Variants in YBX1 observed in about 807,000 individuals in gnomAD.
YBX1 encodes Y-box-binding protein 1.
YBX1 carries 3 observed loss-of-function variants against 41.4 expected under a neutral mutation model. That is an observed-to-expected ratio of 0.07 (90% CI 0.03 to 0.19). The LOEUF (loss-of-function observed/expected upper bound fraction) is 0.19. Ranked by LOEUF, YBX1 falls within the 10% of genes least tolerant of loss-of-function variation. The probability of loss-of-function intolerance (pLI) is 1.00; values close to 1 mark genes in which losing one functional copy is unlikely to be tolerated. For missense variants in YBX1, 274 were observed against 462.8 expected (o/e 0.59, Z 3.74); for synonymous variants, 133 against 165.8 (o/e 0.80, Z 1.52).
At chr1:42,683,345 G>T (rs1266024442) in intron 1 of YBX1, 58 bp from the exon 2 acceptor site, 1 of 1,607,184 alleles carries the variant, frequency 6.2e-7, no homozygotes, top group African/African-American at 1.3e-5. Flanking sequence ...CAAGCCGGGC[G>T]GATTTGGAAA....
chr1:42,701,173 T>C (rs978399393), intron 7 of YBX1, 127 bp downstream of exon 7: 1 of 691,436 alleles, frequency 1.4e-6, no homozygotes. Context: ...TATAATGTGT[T>C]CTGCCCTATT....
intron 2 of YBX1, among the ~76,000 whole-genome samples, chr1:42,687,609 T>C (rs1388318712): frequency 1.3e-5 from 2 of 152,044 alleles, no homozygotes; most frequent in African/African-American, 4.8e-5. Context: ...TTTTCTTTTT[T>C]AAAGGTGGCG....
chr1:42,700,947 A>G lies in YBX1; in HGVS notation c.907A>G (p.Thr303Ala). ...ENPKPQDGKE[T>A]KAADPPAENS... is the part of the protein sequence containing the mutation. ...CCCTAAACCACAAGATGGCAAAGAG[A>G]CAAAAGCAGCCGATCCACCAGCTGA... The change falls in exon 7 of 8, where the codon ACA becomes GCA. Residue 303 changes from threonine (T) to alanine (A), a missense_variant. By Grantham distance (58) the Thr-to-Ala change is moderately conservative. Transcript: ENST00000321358. 6.2e-7 allele frequency: 1 copy of G among 1,614,160 alleles called. No individual in the cohort carries two copies. The highest frequency in any genetic ancestry group is 8.5e-7 in the Non-Finnish European group (1 of 1,180,030).
At chr1:42,687,483 T>C (rs550023398) in intron 2 of YBX1, among the ~76,000 whole-genome samples, 2 of 152,284 alleles carry the variant, frequency 1.3e-5, no homozygotes, top group African/African-American at 4.8e-5. Flanking sequence ...GGTTTCTCCA[T>C]GTTGGCCAGG....
At chr1:42,690,295 A>G (rs969392754) in intron 2 of YBX1, among the ~76,000 whole-genome samples, 1 of 151,144 alleles carries the variant, frequency 6.6e-6, no homozygotes, top group Non-Finnish European at 1.5e-5. Context: ...TGCAAATATC[A>G]CATATATTTC....
intron 6 of YBX1, among the ~76,000 whole-genome samples, chr1:42,700,113 T>C (rs1650557846): frequency 6.6e-6 from 1 of 152,158 alleles, no homozygotes; most frequent in Admixed American, 6.5e-5. Flanking sequence ...AACAATTTTG[T>C]TGAAGATTCA....
chr1:42,690,713 T>C (rs1371043767), intron 2 of YBX1, among the ~76,000 whole-genome samples: 1 of 152,256 alleles, frequency 6.6e-6, no homozygotes, highest in Admixed American at 6.5e-5. Context: ...TCTTTAGTCA[T>C]AGTTTCTCTT....
chr1:42,699,657 C>T (rs1294193343), intron 6 of YBX1, among the ~76,000 whole-genome samples: 2 of 151,376 alleles, frequency 1.3e-5, no homozygotes, highest in African/African-American at 2.4e-5. Flanking sequence ...AATGGAGTTG[C>T]ACTGTGTTAC....
At chr1:42,700,329 A>G (rs1650563327) in intron 6 of YBX1, among the ~76,000 whole-genome samples, 1 of 152,112 alleles carries the variant, frequency 6.6e-6, no homozygotes, top group Admixed American at 6.5e-5. Flanking sequence ...CTTGGTGATT[A>G]AAAGACTCAA....
chr1:42,694,370 A>G (rs1650409809), intron 3 of YBX1, among the ~76,000 whole-genome samples: 1 of 151,750 alleles, frequency 6.6e-6, no homozygotes, highest in Non-Finnish European at 1.5e-5. Context: ...TTATCCTCAC[A>G]GATACGAAAT....
chr1:42,696,425 T>C lies in YBX1; in HGVS notation c.354+137T>C. ...AACACAGGTGCATCAAGCCTAATGT[T>C]CTGGCTGCAGTTAGAGGGCAATCTC... On this transcript the variant is annotated intron_variant, in intron 4 of 7. Transcript: ENST00000321358. This position sits in a 1 kb window ranked among gnomAD's most constrained non-coding sequence, Gnocchi z 5.7. 1 of 1,015,290 alleles carries C rather than the reference T, an allele frequency of 9.8e-7. No homozygotes were observed. The highest frequency in any genetic ancestry group is 2.6e-5 in the Admixed American group (1 of 38,374). 62.9% of individuals were successfully genotyped at this position (1,015,290 alleles called of 1,614,324 possible). A position where few individuals can be genotyped will look rare whatever the true frequency, so the allele number is the denominator to read the frequency against.
At chr1:42,683,103 C>T (rs1650090613) in intron 1 of YBX1, 1 of 565,330 alleles carries the variant, frequency 1.8e-6, no homozygotes, top group Non-Finnish European at 3.3e-6. Flanking sequence ...GGGCGCGGCG[C>T]ACCGCCTACG....
chr1:42,698,803 G>C (rs142308657), intron 6 of YBX1, among the ~76,000 whole-genome samples: 1 of 152,224 alleles, frequency 6.6e-6, no homozygotes, highest in Non-Finnish European at 1.5e-5. Flanking sequence ...AGTCCTGCCA[G>C]ATAGTTGCAG....
Position 42,696,371 on chromosome 1 carries a change from G to A in YBX1, c.354+83G>A, listed in dbSNP as rs1246627567. On this transcript the variant is annotated intron_variant, in intron 4 of 7. Transcript: ENST00000321358. This position sits in a 1 kb window ranked among gnomAD's most constrained non-coding sequence, Gnocchi z 5.7. ...CATCCATTAGGATGGTGGCTCTAATGTGGATGGATGTGTTCAGGTGACCTC... is the reference window on the plus strand; with the variant it reads ...CATCCATTAGGATGGTGGCTCTAATATGGATGGATGTGTTCAGGTGACCTC... The A allele has an allele frequency of 1.4e-6, 2 of 1,393,456 alleles. No individual in the cohort carries two copies. Among genetic ancestry groups the A allele is most frequent in the Non-Finnish European group, 2.0e-6 (2 of 1,001,510 alleles). 86.3% of individuals were successfully genotyped at this position (1,393,456 alleles called of 1,614,324 possible).
Position 42,696,736 on chromosome 1 carries a change from G to A in YBX1, c.449G>A (p.Arg150His), listed in dbSNP as rs1260214003. Residue 150 changes from arginine to histidine, a missense_variant, in exon 5 of 8, where the codon CGT becomes CAT. Arg to His is a conservative substitution (Grantham distance 29, BLOSUM62 0). Coordinates refer to ENST00000321358, the MANE Select transcript of YBX1 (RefSeq NM_004559.5). This position sits in a 1 kb window ranked among gnomAD's most constrained non-coding sequence, Gnocchi z 5.7. ...CGTAACCATTATAGACGCTATCCAC[G>A]TCGTAGGGGTCCTCCACGCAATTAC... ...ADRNHYRRYPRRRGPPRNYQQ... is the reference protein window; with the variant it reads ...ADRNHYRRYPHRRGPPRNYQQ... The A allele has an allele frequency of 4.3e-6, 7 of 1,613,842 alleles. No individual in the cohort carries two copies. The highest frequency in any genetic ancestry group is 5.9e-6 in the Non-Finnish European group (7 of 1,179,856).
intron 3 of YBX1, among the ~76,000 whole-genome samples, chr1:42,694,656 A>G (rs1021432788): frequency 3.3e-5 from 5 of 152,238 alleles, no homozygotes; most frequent in African/African-American, 1.2e-4. Context: ...ATCAATTTCT[A>G]GTACACCCAA....
At chr1:42,697,398 A>C in intron 6 of YBX1, 136 bp downstream of exon 6, 1 of 795,730 alleles carries the variant, frequency 1.3e-6, no homozygotes, top group Non-Finnish European at 1.9e-6. Context: ...CTAAGAGGTG[A>C]ACCTATTAAA....
rs1211332000 is a variant in YBX1, at chr1:42,693,602, T to C, written c.264+79T>C. ...AGGTTAGATATGTTCTCAGCTTTTGTTCCTTATAAAAGGTTAAGTCCAACC... is the reference window on the plus strand; with the variant it reads ...AGGTTAGATATGTTCTCAGCTTTTGCTCCTTATAAAAGGTTAAGTCCAACC... On this transcript the variant is annotated intron_variant, in intron 3 of 7. Coordinates refer to ENST00000321358, the MANE Select transcript of YBX1 (RefSeq NM_004559.5). 3 of 1,524,728 alleles carry C rather than the reference T, an allele frequency of 2.0e-6. No homozygotes were observed. In the African/African-American group the frequency reaches 4.1e-5, roughly 21 times the overall value. The allele number at this position is 1,524,728 out of a possible 1,614,324, so 94.4% of individuals were successfully genotyped here.
chr1:42,682,602 G>A lies in YBX1; in HGVS notation c.37G>A (p.Ala13Thr). The A allele has an allele frequency of 2.1e-6, 3 of 1,422,618 alleles. No homozygotes were observed. Among genetic ancestry groups the A allele is most frequent in the Middle Eastern group, 2.5e-4 (1 of 3,966 alleles). The allele number at this position is 1,422,618 out of a possible 1,614,324, so 88.1% of individuals were successfully genotyped here. Reference sequence around the variant, plus strand: ...GGCCGAGACCCAGCAGCCGCCCGCCGCCCCCCCCGCCGCCCCCGCCCTCAG... The same window carrying A: ...GGCCGAGACCCAGCAGCCGCCCGCCACCCCCCCCGCCGCCCCCGCCCTCAG... ...SEAETQQPPAAPPAAPALSAA... is the reference protein window; with the variant it reads ...SEAETQQPPATPPAAPALSAA... The change falls in exon 1 of 8, where the codon GCC (alanine) becomes ACC (threonine). Residue 13 changes from alanine to threonine, a missense_variant. Physicochemically the swap from Ala to Thr is moderately conservative, Grantham distance 58. Around this residue, in one of 3 missense-constraint regions of YBX1, gnomAD observed 84 missense variants for 130.8 expected, o/e 0.64. Transcript: ENST00000321358.
Sources: gnomAD v4.1 joint callset for allele counts (sites outside exome capture counted in the v4.1 genomes callset) on GRCh38, gnomAD v4.1.1 for gene constraint, gnomAD v4.1.1 regional missense constraint, Gnocchi (gnomAD v3.1) non-coding constraint, MANE v1.5 for transcripts, NCBI Gene and HGNC (gene_info 2026-07-23, HGNC 2026-07-21) for gene names.